Variants in ASXL3 observed in about 807,000 individuals in gnomAD.
ASXL3 encodes the protein ASXL transcriptional regulator 3.
Under a neutral mutation model 170.6 loss-of-function variants are expected in ASXL3, and 34 were observed. The ratio of observed to expected loss-of-function variants is 0.20; its 90% CI spans 0.15 to 0.27. ASXL3 has a LOEUF of 0.27. Ranked by LOEUF, ASXL3 falls within the 10% of genes least tolerant of loss-of-function variation. ASXL3 has a pLI of 1.00. For missense variants in ASXL3, 2,592 were observed against 2,695.3 expected (o/e 0.96, Z 0.85); for synonymous variants, 1,002 against 989.1 (o/e 1.01, Z -0.24).
chr18:33,707,870 C>T (rs922292493), intron 8 of ASXL3, among the ~76,000 whole-genome samples: 1 of 151,980 alleles, frequency 6.6e-6, no homozygotes, highest in African/African-American at 2.4e-5. Context: ...CAGTTTTAAT[C>T]ACAAACAGTG....
intron 8 of ASXL3, 143 bp from the exon 9 acceptor site, chr18:33,731,825 C>T: frequency 1.7e-6 from 1 of 602,418 alleles, no homozygotes; most frequent in Non-Finnish European, 2.9e-6. Context: ...CTCTCTCTCC[C>T]TTCTCCTTTC....
At chr18:33,579,410 G>T (rs1317951078) in intron 1 of ASXL3, among the ~76,000 whole-genome samples, 1 of 152,144 alleles carries the variant, frequency 6.6e-6, no homozygotes, top group Non-Finnish European at 1.5e-5. Context: ...TGTAGTGGGA[G>T]GTTATTAAGA....
At chr18:33,626,256 A>G (rs1371404189) in intron 2 of ASXL3, among the ~76,000 whole-genome samples, 2 of 152,108 alleles carry the variant, frequency 1.3e-5, no homozygotes, top group African/African-American at 4.8e-5. Flanking sequence ...TATGATAGCT[A>G]TTGTAGCTCC....
At chr18:33,689,170 T>A (rs1272208374) in intron 8 of ASXL3, among the ~76,000 whole-genome samples, 1 of 152,084 alleles carries the variant, frequency 6.6e-6, no homozygotes, top group African/African-American at 2.4e-5. Flanking sequence ...TTTTTTATAT[T>A]TTTAGTAGAG....
chr18:33,633,569 C>T (rs777068803), intron 2 of ASXL3, among the ~76,000 whole-genome samples: 7 of 151,984 alleles, frequency 4.6e-5, no homozygotes, highest in Non-Finnish European at 8.8e-5. Flanking sequence ...TCACGCATGG[C>T]GCGGTGGCTC....
At chr18:33,596,918 A>G (rs1168922683) in intron 1 of ASXL3, among the ~76,000 whole-genome samples, 2 of 152,050 alleles carry the variant, frequency 1.3e-5, no homozygotes, top group African/African-American at 4.8e-5. Flanking sequence ...CAGACTCAAA[A>G]GATCCTTCCA....
rs568376343 is a variant in ASXL3, at chr18:33,673,118, A to G, written c.715+1252A>G. On this transcript the variant is annotated intron_variant, in intron 7 of 11. Coordinates refer to ENST00000269197, the MANE Select transcript of ASXL3 (RefSeq NM_030632.3). ...TAAGTTACTTCTGAAATAGAAAACT[A>G]TAGTGGGAGAATGATAGATAAAGAA... is the stretch of plus-strand genomic sequence containing the variant. Among the ~76,000 whole-genome samples the G allele has an allele frequency of 3.9e-5, 6 of 152,318 alleles. No homozygotes were observed. The East Asian group carries it at 5.8e-4, about 15-fold the overall frequency.
chr18:33,654,090 C>T (rs771577229), intron 4 of ASXL3, among the ~76,000 whole-genome samples: 10 of 152,104 alleles, frequency 6.6e-5, no homozygotes, highest in Non-Finnish European at 1.0e-4. Context: ...TGTAGGAAAA[C>T]GTTTTCTTTT....
chr18:33,611,522 A>T (rs1217075635), intron 2 of ASXL3, among the ~76,000 whole-genome samples: 1 of 152,044 alleles, frequency 6.6e-6, no homozygotes, highest in African/African-American at 2.4e-5. Flanking sequence ...CAGTTGATCA[A>T]TCAAAGTTAT....
At chr18:33,646,414 AAT>A in intron 4 of ASXL3, 61 bp downstream of exon 4, 1 of 1,200,274 alleles carries the variant, frequency 8.3e-7, no homozygotes, top group African/African-American at 1.5e-5. Flanking sequence ...ATAGAATGCC[AAT>A]GATTCATTAA....
chr18:33,726,518 A>C (rs1243645468), intron 8 of ASXL3, among the ~76,000 whole-genome samples: 1 of 152,190 alleles, frequency 6.6e-6, no homozygotes, highest in Non-Finnish European at 1.5e-5. Flanking sequence ...ATTCATATTC[A>C]AAGAGAATGT....
At chr18:33,610,566 G>A (rs914220247) in intron 2 of ASXL3, among the ~76,000 whole-genome samples, 7 of 151,926 alleles carry the variant, frequency 4.6e-5, no homozygotes, top group African/African-American at 1.4e-4. Context: ...GCAGGTCTCC[G>A]AGAGCACTTA....
intron 8 of ASXL3, among the ~76,000 whole-genome samples, chr18:33,707,317 A>G (rs971105617): frequency 3.3e-5 from 5 of 151,952 alleles, no homozygotes; most frequent in African/African-American, 1.2e-4. Context: ...GAAGAATTGA[A>G]ACTTTTGCCA....
chr18:33,730,720 A>T (rs2145394245), intron 8 of ASXL3, among the ~76,000 whole-genome samples: 1 of 152,332 alleles, frequency 6.6e-6, no homozygotes, highest in Admixed American at 6.5e-5. Flanking sequence ...GAATATAAAT[A>T]CAGAGGATTT....
intron 5 of ASXL3, among the ~76,000 whole-genome samples, chr18:33,666,067 G>T (rs1043372327): frequency 6.6e-6 from 1 of 152,120 alleles, no homozygotes; most frequent in Non-Finnish European, 1.5e-5. Flanking sequence ...ACTCTGTGTG[G>T]TTTGGACAGT....
chr18:33,591,967 A>G (rs2065082075), intron 1 of ASXL3, among the ~76,000 whole-genome samples: 1 of 152,112 alleles, frequency 6.6e-6, no homozygotes, highest in South Asian at 2.1e-4. Flanking sequence ...TCTGAGCTCA[A>G]CTTCATAGTA....
intron 2 of ASXL3, among the ~76,000 whole-genome samples, chr18:33,630,051 G>A (rs1430116528): frequency 6.6e-6 from 1 of 151,890 alleles, no homozygotes; most frequent in African/African-American, 2.4e-5. Context: ...GGTTTCTCAT[G>A]AATCATATTT....
intron 4 of ASXL3, among the ~76,000 whole-genome samples, chr18:33,655,519 C>T (rs2066069375): frequency 6.6e-6 from 1 of 151,830 alleles, no homozygotes; most frequent in African/African-American, 2.4e-5. Context: ...AACTTATATC[C>T]TTTGGATTTT....
chr18:33,725,075 T>C (rs2067326575), intron 8 of ASXL3, among the ~76,000 whole-genome samples: 1 of 152,146 alleles, frequency 6.6e-6, no homozygotes, highest in Non-Finnish European at 1.5e-5. Flanking sequence ...GTCAATACTC[T>C]GGCTTTTATT....
Sources: allele counts gnomAD v4.1 joint callset (sites outside exome capture counted in the v4.1 genomes callset), GRCh38; gene constraint gnomAD v4.1.1; transcripts MANE v1.5; gene names NCBI Gene and HGNC (gene_info 2026-07-23, HGNC 2026-07-21).